Variants in TXLNA observed in about 807,000 individuals in gnomAD.
The protein encoded by TXLNA is taxilin alpha.
A neutral mutation model predicts 61.4 loss-of-function variants in TXLNA; 9 were observed. The ratio of observed to expected loss-of-function variants is 0.15; its 90% CI spans 0.09 to 0.26. The LOEUF (loss-of-function observed/expected upper bound fraction) is 0.26, where lower values mean the gene tolerates loss of function less well. Ranked by LOEUF, TXLNA falls within the 10% of genes least tolerant of loss-of-function variation. The pLI is 1.00. For synonymous variants in TXLNA, 257 were observed against 267.7 expected (o/e 0.96, Z 0.39); for missense variants, 565 against 688.8 (o/e 0.82, Z 2.01).
At chr1:32,189,949 C>A in intron 5 of TXLNA, 106 bp from the exon 6 acceptor site, 1 of 1,251,142 alleles carries the variant, frequency 8.0e-7, no homozygotes, top group Non-Finnish European at 1.1e-6. Flanking sequence ...CTACTCCACG[C>A]TTTGGGAGCA....
chr1:32,180,374 C>T lies in TXLNA; in HGVS notation c.29C>T (p.Ala10Val). 1 of 1,613,702 alleles carries T rather than the reference C, an allele frequency of 6.2e-7. No individual in the cohort carries two copies. The highest frequency in any genetic ancestry group is 8.5e-7 in the Non-Finnish European group (1 of 1,179,878). The change falls in exon 2 of 11, where the codon GCT becomes GTT. Residue 10 changes from alanine (A) to valine (V), a missense_variant. Around this residue, in one of 2 missense-constraint regions of TXLNA, gnomAD observed 192 missense variants for 184.8 expected, o/e 1.04. Transcript: ENST00000373610. MKNQDKKNG[A>V]AKQSNPKSSP... Reference sequence around the variant, plus strand: ...AAGAACCAAGACAAAAAGAACGGGGCTGCCAAACAATCCAATCCAAAAAGC... The same window carrying T: ...AAGAACCAAGACAAAAAGAACGGGGTTGCCAAACAATCCAATCCAAAAAGC...
In TXLNA at chr1:32,194,070, T is replaced by A; in HGVS notation, c.1257T>A (p.Thr419=). The A allele has an allele frequency of 1.2e-6, 2 of 1,612,998 alleles. No homozygotes were observed. The highest frequency in any genetic ancestry group is 1.7e-6 in the Non-Finnish European group (2 of 1,179,434). The change falls in exon 10 of 11, where the codon ACT becomes ACA. Residue 419 remains threonine (T), a synonymous_variant. Transcript: ENST00000373610. ...CTGTCTGTCACATAACCTAGATGAC[T>A]AAGAAGATCAAGAAGCTGGAGAAAG... is the stretch of plus-strand genomic sequence containing the variant. The part of the protein sequence containing the change: ...TTFKQEMEKM[T]KKIKKLEKET...
chr1:32,190,494 T>C (rs1263743694), intron 6 of TXLNA, among the ~76,000 whole-genome samples: 2 of 152,176 alleles, frequency 1.3e-5, no homozygotes, highest in African/African-American at 4.8e-5. Context: ...AGGCATCTTT[T>C]GGAATTAGAA....
rs1167078037 is a variant in TXLNA, at chr1:32,195,506, A to G, written c.*311A>G. Reference sequence around the variant, plus strand: ...AGAGGGGCTGTCATCTGTAGCTGCCATCACAGTGAGTTGGCAGAAGTGACT... The same window carrying G: ...AGAGGGGCTGTCATCTGTAGCTGCCGTCACAGTGAGTTGGCAGAAGTGACT... On this transcript the variant is annotated 3_prime_UTR_variant, in exon 11 of 11. Coordinates refer to ENST00000373610, the MANE Select transcript of TXLNA (RefSeq NM_175852.4). 2.8e-5 allele frequency: 14 copies of G among 505,988 alleles called. No individual in the cohort carries two copies. Among genetic ancestry groups the G allele is most frequent in the Non-Finnish European group, 5.0e-5 (14 of 277,994 alleles). The allele number at this position is 505,988 out of a possible 1,614,324, so 31.3% of individuals were successfully genotyped here.
rs752175748 is a variant in TXLNA at position 32,192,747 on chromosome 1, C to T, written c.1158+16C>T. On this transcript the variant is annotated intron_variant, in intron 8 of 10. Transcript: ENST00000373610. The surrounding 1 kb of genome is among the most constrained non-coding windows in gnomAD (Gnocchi z 4.2). Reference sequence around the variant, plus strand: ...GAAGCAACAGGTGAGAGCATATAACCTGACCCTGTGCCTTCAAGTTTCCCT... The same window carrying T: ...GAAGCAACAGGTGAGAGCATATAACTTGACCCTGTGCCTTCAAGTTTCCCT... 2.5e-6 allele frequency: 4 copies of T among 1,613,998 alleles called. No homozygotes were observed.
At chr1:32,187,073 A>ATT (rs887484726) in intron 4 of TXLNA, among the ~76,000 whole-genome samples, 1 of 148,136 alleles carries the variant, frequency 6.8e-6, no homozygotes, top group East Asian at 2.0e-4. Flanking sequence ...ACTTTTTTGT[A>ATT]TTTTTTTTTT....
At chr1:32,193,345 C>T (rs776001670) in intron 9 of TXLNA, 45 bp downstream of exon 9, 1 of 1,472,904 alleles carries the variant, frequency 6.8e-7, no homozygotes, top group South Asian at 1.1e-5. Context: ...GCATAAGCTG[C>T]TTCATTCAAA....
chr1:32,187,386 G>A (rs1032457331), intron 4 of TXLNA, among the ~76,000 whole-genome samples: 2 of 152,158 alleles, frequency 1.3e-5, no homozygotes, highest in African/African-American at 2.4e-5. Context: ...GTCATGGGAG[G>A]GGAACTGAGC....
At position 32,192,206 on chromosome 1, in the gene TXLNA, G is replaced by T; in HGVS notation, c.964-105G>T. On this transcript the variant is annotated intron_variant, in intron 6 of 10. Transcript: ENST00000373610. The surrounding 1 kb of genome is among the most constrained non-coding windows in gnomAD (Gnocchi z 4.2). The stretch of plus-strand genomic sequence containing the variant: ...GTACACATGGGAGTCCATCATATCA[G>T]ATTGAGATGGGGGGCTGGGCAAAGT... 1 of 1,504,936 alleles carries T rather than the reference G, an allele frequency of 6.6e-7. No individual in the cohort carries two copies. Among genetic ancestry groups the T allele is most frequent in the Non-Finnish European group, 9.0e-7 (1 of 1,105,716 alleles). 93.2% of individuals were successfully genotyped at this position (1,504,936 alleles called of 1,614,324 possible).
Position 32,180,384 on chromosome 1 carries a change from A to G in TXLNA, c.39A>G (p.Gln13=), listed in dbSNP as rs1246512501. The G allele has an allele frequency of 2.5e-6, 4 of 1,614,072 alleles. No individual in the cohort carries two copies. The highest frequency in any genetic ancestry group is 2.7e-5 in the African/African-American group (2 of 75,050). Reference sequence around the variant, plus strand: ...ACAAAAAGAACGGGGCTGCCAAACAATCCAATCCAAAAAGCAGCCCAGGAC... The same window carrying G: ...ACAAAAAGAACGGGGCTGCCAAACAGTCCAATCCAAAAAGCAGCCCAGGAC... ...NQDKKNGAAK[Q]SNPKSSPGQP... The change falls in exon 2 of 11, where the codon CAA becomes CAG. Residue 13 remains glutamine, a synonymous_variant. Coordinates refer to ENST00000373610, the MANE Select transcript of TXLNA (RefSeq NM_175852.4).
At chr1:32,184,872 T>G (rs1642747271) in intron 4 of TXLNA, among the ~76,000 whole-genome samples, 1 of 152,184 alleles carries the variant, frequency 6.6e-6, no homozygotes, top group Non-Finnish European at 1.5e-5. Context: ...CTGGCCTGAG[T>G]CCAAGACACC....
At chr1:32,193,353 A>C in intron 9 of TXLNA, 53 bp downstream of exon 9, 1 of 1,417,310 alleles carries the variant, frequency 7.1e-7, no homozygotes, top group Non-Finnish European at 1.0e-6. Flanking sequence ...TGCTTCATTC[A>C]AAATTGTTGG....
At position 32,188,146 on chromosome 1, in the gene TXLNA, C is replaced by T. The variant is rs373755966; in HGVS notation, c.768+22C>T. On this transcript the variant is annotated intron_variant, in intron 5 of 10. Coordinates refer to ENST00000373610, the MANE Select transcript of TXLNA (RefSeq NM_175852.4). ...CAAGGTAGGCCTGGGCCCCCTGGAA[C>T]AGGTGACTCTGGTTTCCTTGACTTC... 6 of 1,524,466 alleles carry T rather than the reference C, an allele frequency of 3.9e-6. No homozygotes were observed. The African/African-American group carries it at 4.2e-5, about 11-fold the overall frequency. The allele number at this position is 1,524,466 out of a possible 1,614,324, so 94.4% of individuals were successfully genotyped here. A position where few individuals can be genotyped will look rare whatever the true frequency, so the allele number is the denominator to read the frequency against.
At chr1:32,187,448 G>A (rs529795184) in intron 4 of TXLNA, among the ~76,000 whole-genome samples, 3 of 152,302 alleles carry the variant, frequency 2.0e-5, no homozygotes, top group East Asian at 1.9e-4. Context: ...AGGCCAGGGA[G>A]TTAGAAGGAT....
chr1:32,188,237 G>A, intron 5 of TXLNA, 113 bp downstream of exon 5: 1 of 1,107,696 alleles, frequency 9.0e-7, no homozygotes. Context: ...AGGCGCAGTG[G>A]CACACATAAG....
chr1:32,190,799 C>A (rs1642889088), intron 6 of TXLNA, among the ~76,000 whole-genome samples: 1 of 152,100 alleles, frequency 6.6e-6, no homozygotes, highest in African/African-American at 2.4e-5. Flanking sequence ...ACTCAAAAGG[C>A]AGAATTTATC....
intron 10 of TXLNA, among the ~76,000 whole-genome samples, chr1:32,194,412 G>A (rs1474363064): frequency 6.6e-6 from 1 of 152,242 alleles, no homozygotes; most frequent in Non-Finnish European, 1.5e-5. Context: ...ACGGGTGCCA[G>A]TGATGTGCCT....
rs982567269 is a variant in TXLNA at position 32,196,271 on chromosome 1, C to A, written c.*1076C>A. 6.6e-6 allele frequency: 1 copy of A among 152,552 alleles called. No homozygotes were observed. 9.4% of individuals were successfully genotyped at this position (152,552 alleles called of 1,614,324 possible). A position where few individuals can be genotyped will look rare whatever the true frequency, so the allele number is the denominator to read the frequency against. On this transcript the variant is annotated 3_prime_UTR_variant, in exon 11 of 11. Coordinates refer to ENST00000373610, the MANE Select transcript of TXLNA (RefSeq NM_175852.4). ...CCACCAGTTCCCATCAGCACTGTCTCCATGCAGCAGTTGCTGGGTCCCATG... is the reference window on the plus strand; with the variant it reads ...CCACCAGTTCCCATCAGCACTGTCTACATGCAGCAGTTGCTGGGTCCCATG...
intron 5 of TXLNA, among the ~76,000 whole-genome samples, chr1:32,189,109 T>C (rs567986827): frequency 6.6e-6 from 1 of 152,338 alleles, no homozygotes; most frequent in South Asian, 2.1e-4. Context: ...ATGGATATAT[T>C]ATATCAGTGC....
Sources: allele counts gnomAD v4.1 joint callset (sites outside exome capture counted in the v4.1 genomes callset), GRCh38; gene constraint gnomAD v4.1.1; regional missense constraint gnomAD v4.1.1; non-coding constraint Gnocchi (gnomAD v3.1); transcripts MANE v1.5; gene names NCBI Gene and HGNC (gene_info 2026-07-23, HGNC 2026-07-21).